Variants in SH3GL3 observed in about 807,000 individuals in gnomAD.
SH3GL3 encodes the protein endophilin-A3.
SH3GL3 carries 33 observed loss-of-function variants against 47.7 expected under a neutral mutation model. The ratio of observed to expected loss-of-function variants is 0.69; its 90% CI spans 0.52 to 0.92. The LOEUF (loss-of-function observed/expected upper bound fraction) is 0.92, where lower values mean the gene tolerates loss of function less well. Among genes scored for constraint, SH3GL3 ranks in the 40% least tolerant of loss-of-function variants. The pLI is 0.00. For synonymous variants in SH3GL3, 155 were observed against 148.8 expected (o/e 1.04, Z -0.30); for missense variants, 363 against 417.8 (o/e 0.87, Z 1.14).
At chr15:83,501,686 G>A (rs919681574) in intron 1 of SH3GL3, among the ~76,000 whole-genome samples, 1 of 152,158 alleles carries the variant, frequency 6.6e-6, no homozygotes, top group African/African-American at 2.4e-5. Flanking sequence ...GAGGTCAGGA[G>A]TTCATGACTA....
At chr15:83,613,183 T>A (rs2060717256) in intron 8 of SH3GL3, among the ~76,000 whole-genome samples, 1 of 152,200 alleles carries the variant, frequency 6.6e-6, no homozygotes, top group Non-Finnish European at 1.5e-5. Flanking sequence ...ACTGCCTACT[T>A]AGCAAGTGCC....
intron 5 of SH3GL3, among the ~76,000 whole-genome samples, chr15:83,573,621 A>G (rs1046576396): frequency 9.8e-5 from 15 of 152,304 alleles, no homozygotes; most frequent in Non-Finnish European, 1.8e-4. Flanking sequence ...GGTCTAGCCT[A>G]TGTGACAGAG....
chr15:83,569,868 CCT>C lies in SH3GL3; in HGVS notation c.331+1197_331+1198del, dbSNP rs755184682. On this transcript the variant is annotated intron_variant, in intron 4 of 8. Coordinates refer to ENST00000427482, the MANE Select transcript of SH3GL3 (RefSeq NM_003027.5). ...GCATCAGGAGGTCCATTTTTTCCCC[CCT>C]GTCTCATGAGCTCTTTAAATGGTCA... Among the ~76,000 whole-genome samples the C allele has an allele frequency of 3.3e-3, 499 of 152,244 alleles. 6 individuals carry two copies. Among genetic ancestry groups the C allele is most frequent in the African/African-American group, 0.01 (435 of 41,552 alleles).
chr15:83,564,657 T>A (rs148095375), intron 2 of SH3GL3, among the ~76,000 whole-genome samples: 1 of 152,318 alleles, frequency 6.6e-6, no homozygotes, highest in African/African-American at 2.4e-5. Flanking sequence ...AATGTGTTTA[T>A]TGTATTATAA....
At chr15:83,466,958 A>G (rs180798077) in intron 1 of SH3GL3, among the ~76,000 whole-genome samples, 6 of 152,240 alleles carry the variant, frequency 3.9e-5, no homozygotes, top group Admixed American at 1.3e-4. Flanking sequence ...CCTCTGTTGG[A>G]TATGTGTTTG....
intron 1 of SH3GL3, among the ~76,000 whole-genome samples, chr15:83,532,842 A>C (rs1044247613): frequency 6.6e-6 from 1 of 152,188 alleles, no homozygotes; most frequent in East Asian, 1.9e-4. Flanking sequence ...CAAGATAGGA[A>C]GAAGGGAGGA....
intron 1 of SH3GL3, among the ~76,000 whole-genome samples, chr15:83,550,890 G>C (rs1038192207): frequency 3.9e-5 from 6 of 152,104 alleles, no homozygotes; most frequent in African/African-American, 1.4e-4. Context: ...CTATTCTGGA[G>C]CATTTTCTAA....
At chr15:83,458,993 C>T (rs994429200) in intron 1 of SH3GL3, among the ~76,000 whole-genome samples, 1 of 152,218 alleles carries the variant, frequency 6.6e-6, no homozygotes, top group Non-Finnish European at 1.5e-5. Context: ...GTCCCCAAAC[C>T]TCAAAAGTAG....
At chr15:83,619,807 A>C (rs1042337573), downstream of SH3GL3, among the ~76,000 whole-genome samples, 9 of 152,220 alleles carry the variant, frequency 5.9e-5, no homozygotes, top group Non-Finnish European at 1.2e-4. Flanking sequence ...TCTTAAAATA[A>C]GACAACACTG....
chr15:83,554,395 C>T (rs1215358975), intron 1 of SH3GL3, among the ~76,000 whole-genome samples: 1 of 152,152 alleles, frequency 6.6e-6, no homozygotes, highest in Non-Finnish European at 1.5e-5. Flanking sequence ...CCATGTTGGA[C>T]AGGCTGGTCT....
chr15:83,463,863 G>T (rs2040435863), intron 1 of SH3GL3, among the ~76,000 whole-genome samples: 1 of 150,586 alleles, frequency 6.6e-6, no homozygotes, highest in African/African-American at 2.4e-5. Context: ...CTGCCTCCCG[G>T]GTTCAAGCGA....
At chr15:83,449,103 C>T (rs1375023889) in intron 1 of SH3GL3, among the ~76,000 whole-genome samples, 1 of 152,156 alleles carries the variant, frequency 6.6e-6, no homozygotes, top group African/African-American at 2.4e-5. Flanking sequence ...AGAAAAGGCA[C>T]AGCGAGTTAA....
intron 1 of SH3GL3, among the ~76,000 whole-genome samples, chr15:83,457,611 T>G (rs1306077151): frequency 1.3e-5 from 2 of 152,234 alleles, no homozygotes; most frequent in Admixed American, 1.3e-4. Context: ...TGTCTCTTGT[T>G]TCACTATCTC....
chr15:83,453,545 T>C (rs936569149), intron 1 of SH3GL3, among the ~76,000 whole-genome samples: 1 of 151,440 alleles, frequency 6.6e-6, no homozygotes, highest in East Asian at 1.9e-4. Flanking sequence ...GGAGAGTGTA[T>C]GTGTCGAGGA....
At chr15:83,527,601 G>T (rs1409033995) in intron 1 of SH3GL3, among the ~76,000 whole-genome samples, 2 of 151,958 alleles carry the variant, frequency 1.3e-5, no homozygotes, top group African/African-American at 4.8e-5. Context: ...GTTTATATGT[G>T]TCTTTACAGG....
intron 1 of SH3GL3, among the ~76,000 whole-genome samples, chr15:83,482,781 C>T (rs62027515): frequency 2.0e-5 from 3 of 151,988 alleles, no homozygotes; most frequent in Non-Finnish European, 2.9e-5. Flanking sequence ...CATGAGGCAC[C>T]GCGCTCGGCT....
intron 8 of SH3GL3, among the ~76,000 whole-genome samples, chr15:83,609,987 T>A (rs570006448): frequency 1.3e-5 from 2 of 152,288 alleles, no homozygotes; most frequent in East Asian, 3.9e-4. Context: ...GCTGCTCACT[T>A]TGAAGCTGGA....
the SH3GL3 span, among the ~76,000 whole-genome samples, chr15:83,633,216 C>T: frequency 4.6e-5 from 7 of 152,332 alleles, no homozygotes; most frequent in East Asian, 1.3e-3. Flanking sequence ...ATGCAAATAT[C>T]ACTCTGGGCT....
chr15:83,490,659 C>G lies in SH3GL3; in HGVS notation c.45+43081C>G, dbSNP rs187917860. On this transcript the variant is annotated intron_variant, in intron 1 of 8. Transcript: ENST00000427482. Reference sequence around the variant, plus strand: ...ATGACGGTGGTCACTGGCTTTCTATCTGGGCAGGATAGCACCTGCACATCA... The same window carrying G: ...ATGACGGTGGTCACTGGCTTTCTATGTGGGCAGGATAGCACCTGCACATCA... 248 of 1,014,100 alleles carry G rather than the reference C, an allele frequency of 2.4e-4. No individual in the cohort carries two copies. The East Asian group carries it at 5.5e-3, about 22-fold the overall frequency. The allele number at this position is 1,014,100 out of a possible 1,614,324, so 62.8% of individuals were successfully genotyped here. A position where few individuals can be genotyped will look rare whatever the true frequency, so the allele number is the denominator to read the frequency against.
Sources: gnomAD v4.1 joint callset for allele counts (sites outside exome capture counted in the v4.1 genomes callset) on GRCh38, gnomAD v4.1.1 for gene constraint, MANE v1.5 for transcripts, NCBI Gene and HGNC (gene_info 2026-07-23, HGNC 2026-07-21) for gene names.